Variants in SPINK7 observed in about 807,000 individuals in gnomAD.
SPINK7 encodes serine peptidase inhibitor Kazal type 7, also known as serine protease inhibitor Kazal-type 7.
In SPINK7, 8 loss-of-function variants were observed where a neutral mutation model predicts 11.6. The ratio of observed to expected loss-of-function variants is 0.69; its 90% confidence interval spans 0.41 to 1.25. The LOEUF is 1.25. Among genes scored for constraint, SPINK7 ranks in the 50% most tolerant of loss-of-function variants. SPINK7 has a pLI of 0.01. For synonymous variants in SPINK7, 38 were observed against 35.3 expected (o/e 1.08, Z -0.27); for missense variants, 113 against 99.3 (o/e 1.14, Z -0.58).
chr5:148,314,292 C>G, intron 3 of SPINK7, 68 bp downstream of exon 3: 1 of 1,537,476 alleles, frequency 6.5e-7, no homozygotes, highest in Non-Finnish European at 9.0e-7. Flanking sequence ...CTTCTACTTT[C>G]CAGGATCCAG....
intron 1 of SPINK7, among the ~76,000 whole-genome samples, chr5:148,313,038 T>C (rs1232511066): frequency 3.9e-5 from 6 of 152,158 alleles, no homozygotes. Context: ...ATATCAGAGA[T>C]GATCCTTCAG....
At position 148,313,600 on chromosome 5, in the gene SPINK7, G is replaced by A. The variant is rs554699241; in HGVS notation, c.87+201G>A. ...TATTTTAAAAATGTTTTTTAAAAAT[G>A]CCAGAGTTAAAGAAGGGAGAACCGC... On this transcript the variant is annotated intron_variant, in intron 2 of 3. Coordinates refer to ENST00000274565, the MANE Select transcript of SPINK7 (RefSeq NM_032566.3). 1,078 of 425,050 alleles carry A rather than the reference G, an allele frequency of 2.5e-3. 1 individual carries two copies. Among genetic ancestry groups the A allele is most frequent in the Non-Finnish European group, 3.7e-3 (886 of 238,580 alleles). 26.3% of individuals were successfully genotyped at this position (425,050 alleles called of 1,614,324 possible). A position where few individuals can be genotyped will look rare whatever the true frequency, so the allele number is the denominator to read the frequency against.
intron 3 of SPINK7, 115 bp downstream of exon 3, chr5:148,314,339 C>A: frequency 8.3e-7 from 1 of 1,202,614 alleles, no homozygotes; most frequent in South Asian, 1.4e-5. Flanking sequence ...TAATTATTCC[C>A]ACCCAGAACA....
chr5:148,314,500 C>G, intron 3 of SPINK7: 1 of 488,828 alleles, frequency 2.0e-6, no homozygotes, highest in Non-Finnish European at 3.7e-6. Flanking sequence ...TCTCAAACTG[C>G]TGTCCCCAGA....
chr5:148,313,256 T>A (rs1756883855), intron 1 of SPINK7, 118 bp from the exon 2 acceptor site: 1 of 718,896 alleles, frequency 1.4e-6, no homozygotes, highest in Non-Finnish European at 2.2e-6. Context: ...ATGGAGAGTG[T>A]GCTGAATCTC....
intron 1 of SPINK7, among the ~76,000 whole-genome samples, chr5:148,312,836 T>C (rs1756878742): frequency 6.6e-6 from 1 of 152,076 alleles, no homozygotes; most frequent in Admixed American, 6.6e-5. Flanking sequence ...AGATATACCA[T>C]TTCTTAGTGC....
chr5:148,314,658 C>T (rs1756906687), intron 3 of SPINK7: 1 of 159,696 alleles, frequency 6.3e-6, no homozygotes, highest in Admixed American at 6.2e-5. Flanking sequence ...GCCCTGAATC[C>T]CCACCCCCCA....
At chr5:148,312,659 G>A in intron 1 of SPINK7, 115 bp downstream of exon 1, 1 of 648,724 alleles carries the variant, frequency 1.5e-6, no homozygotes, top group Non-Finnish European at 2.7e-6. Context: ...AAAGTGTACT[G>A]GTTTGTAATA....
chr5:148,315,878 T>A lies in SPINK7; in HGVS notation c.*194T>A, dbSNP rs74351593. Reference sequence around the variant, plus strand: ...CCCATGCCTCACTGACAGACCAGCATTTTTTTTTTAACACGTCAATAAAAA... The same window carrying A: ...CCCATGCCTCACTGACAGACCAGCAATTTTTTTTTAACACGTCAATAAAAA... On this transcript the variant is annotated 3_prime_UTR_variant, in exon 4 of 4. Transcript: ENST00000274565. 1 of 311,496 alleles carries A rather than the reference T, an allele frequency of 3.2e-6. No individual in the cohort carries two copies. Among genetic ancestry groups the A allele is most frequent in the African/African-American group, 2.2e-5 (1 of 45,406 alleles). The allele number at this position is 311,496 out of a possible 1,614,324, so 19.3% of individuals were successfully genotyped here. A position where few individuals can be genotyped will look rare whatever the true frequency, so the allele number is the denominator to read the frequency against.
At chr5:148,313,190 A>T (rs562850120) in intron 1 of SPINK7, among the ~76,000 whole-genome samples, 184 bp from the exon 2 acceptor site, 250 of 152,220 alleles carry the variant, frequency 1.6e-3, no homozygotes, top group African/African-American at 5.7e-3. Context: ...CCAAGGGTTA[A>T]CCTAACCCAT....
chr5:148,315,705 G>T lies in SPINK7; in HGVS notation c.*21G>T, dbSNP rs1186386470. ...GCTAAATTCTCCATGGACATAGAGAGAAAGGAATGATATTCTCATCATCAT... is the reference window on the plus strand; with the variant it reads ...GCTAAATTCTCCATGGACATAGAGATAAAGGAATGATATTCTCATCATCAT... On this transcript the variant is annotated 3_prime_UTR_variant, in exon 4 of 4. Transcript: ENST00000274565. The T allele has an allele frequency of 2.8e-6, 4 of 1,441,384 alleles. No homozygotes were observed. In the African/African-American group the frequency reaches 4.4e-5, roughly 16 times the overall value. 89.3% of individuals were successfully genotyped at this position (1,441,384 alleles called of 1,614,324 possible).
chr5:148,313,025 A>G (rs1049397559), intron 1 of SPINK7, among the ~76,000 whole-genome samples: 1 of 152,138 alleles, frequency 6.6e-6, no homozygotes, highest in African/African-American at 2.4e-5. Flanking sequence ...TGGGAAGGAA[A>G]GGATATCAGA....
At chr5:148,315,532 T>C in intron 3 of SPINK7, 107 bp from the exon 4 acceptor site, 1 of 607,156 alleles carries the variant, frequency 1.6e-6, no homozygotes, top group Admixed American at 2.4e-5. Flanking sequence ...TTTCCTTATC[T>C]GTAAAATGAG....
chr5:148,313,156 A>T (rs1756882194), intron 1 of SPINK7, among the ~76,000 whole-genome samples: 1 of 152,096 alleles, frequency 6.6e-6, no homozygotes, highest in Admixed American at 6.6e-5. Context: ...AATAGAGGAA[A>T]TTTTTATAAT....
At position 148,312,519 on chromosome 5, in the gene SPINK7, A is replaced by C. The variant is rs185738178; in HGVS notation, c.36A>C (p.Thr12=). ...KITGGLLLLC[T]VVYFCSSSEA... Reference sequence around the variant, plus strand: ...CTGGGGGTCTCCTTCTGCTCTGTACAGTGGTCTATTTCTGTAGCAGCTCAG... The same window carrying C: ...CTGGGGGTCTCCTTCTGCTCTGTACCGTGGTCTATTTCTGTAGCAGCTCAG... The change falls in exon 1 of 4, where the codon ACA becomes ACC. Residue 12 remains threonine (T), a synonymous_variant. Transcript: ENST00000274565. 6.2e-7 allele frequency: 1 copy of C among 1,611,064 alleles called. No homozygotes were observed. Among genetic ancestry groups the C allele is most frequent in the Non-Finnish European group, 8.5e-7 (1 of 1,177,912 alleles).
At chr5:148,314,036 A>T in intron 2 of SPINK7, 64 bp from the exon 3 acceptor site, 1 of 1,606,064 alleles carries the variant, frequency 6.2e-7, no homozygotes, top group East Asian at 2.2e-5. Context: ...CTTGTAGTAT[A>T]TCTAATAGTG....
rs1444350303 is a variant in SPINK7 at position 148,313,380 on chromosome 5, C to T, written c.68C>T (p.Ala23Val). ...ATCTGTATCTCTTTTTCAGAAGCTGCTAGTCTGTCTCCAAAAAAAGTAAGT... is the reference window on the plus strand; with the variant it reads ...ATCTGTATCTCTTTTTCAGAAGCTGTTAGTCTGTCTCCAAAAAAAGTAAGT... Reference protein sequence around the residue: ...VVYFCSSSEAASLSPKKVDCS... With the variant: ...VVYFCSSSEAVSLSPKKVDCS... Residue 23 changes from alanine (A) to valine (V), a missense_variant, in exon 2 of 4, where the codon GCT becomes GTT. Ala to Val is a moderately conservative substitution (Grantham distance 64). Transcript: ENST00000274565. The T allele has an allele frequency of 5.0e-6, 8 of 1,601,630 alleles. No individual in the cohort carries two copies. The highest frequency in any genetic ancestry group is 2.7e-5 in the African/African-American group (2 of 74,550).
chr5:148,315,557 T>A, intron 3 of SPINK7, 82 bp from the exon 4 acceptor site: 1 of 783,334 alleles, frequency 1.3e-6, no homozygotes, highest in Non-Finnish European at 2.2e-6. Context: ...TGCCTCATAA[T>A]CTCTATAGTT....
intron 1 of SPINK7, 99 bp from the exon 2 acceptor site, chr5:148,313,275 A>T (rs1756884009): frequency 1.1e-6 from 1 of 900,410 alleles, no homozygotes; most frequent in Non-Finnish European, 1.7e-6. Context: ...TCATTGCTAA[A>T]GGAAATGTAG....
Sources: allele counts gnomAD v4.1 joint callset (sites outside exome capture counted in the v4.1 genomes callset), GRCh38; gene constraint gnomAD v4.1.1; transcripts MANE v1.5; gene names NCBI Gene and HGNC (gene_info 2026-07-23, HGNC 2026-07-21).